PREX1: variants seen among roughly 807,000 people sequenced by gnomAD.
PREX1 encodes phosphatidylinositol 3,4,5-trisphosphate-dependent Rac exchanger 1 protein.
Under a neutral mutation model 198.3 loss-of-function variants are expected in PREX1, and 41 were observed. The observed-to-expected ratio is 0.21, with a 90% CI of 0.16 to 0.27. PREX1 has a LOEUF of 0.27. Ranked by LOEUF, PREX1 falls within the 10% of genes least tolerant of loss-of-function variation. The pLI, the probability that PREX1 is intolerant of heterozygous loss-of-function variation, is 1.00. For synonymous variants in PREX1, 843 were observed against 887.2 expected, an observed-to-expected ratio of 0.95 and a Z score of 0.89; for missense variants, 1,620 against 2,200.7, an observed-to-expected ratio of 0.74 and a Z score of 5.28.
intron 2 of PREX1, 92 bp from the exon 3 acceptor site, chr20:48,745,239 A>G (rs752263439): frequency 7.2e-7 from 1 of 1,388,384 alleles, no homozygotes; most frequent in Non-Finnish European, 9.7e-7. Flanking sequence ...GGTGCGGGTG[A>G]CATTGTAGTC....
chr20:48,751,932 G>A (rs763876695), intron 1 of PREX1, among the ~76,000 whole-genome samples: 23 of 152,068 alleles, frequency 1.5e-4, no homozygotes, highest in Non-Finnish European at 2.8e-4. Context: ...ATACTACACC[G>A]AATTTGCTTG....
intron 1 of PREX1, among the ~76,000 whole-genome samples, chr20:48,800,084 G>T (rs139252908): frequency 3.9e-5 from 6 of 152,294 alleles, no homozygotes; most frequent in Non-Finnish European, 8.8e-5. Flanking sequence ...TGGAGAATTT[G>T]AATAAAGCTA....
chr20:48,819,877 G>A (rs2090476532), intron 1 of PREX1, among the ~76,000 whole-genome samples: 3 of 152,360 alleles, frequency 2.0e-5, no homozygotes, highest in South Asian at 4.1e-4. Flanking sequence ...GTGGATGAAA[G>A]CATCAACTGC....
chr20:48,680,720 G>C (rs141147570), intron 11 of PREX1, among the ~76,000 whole-genome samples: 10 of 151,824 alleles, frequency 6.6e-5, no homozygotes, highest in Non-Finnish European at 1.2e-4. Flanking sequence ...TTACCTTCTC[G>C]GTGAGGCCTT....
chr20:48,712,590 T>C (rs2089937094), intron 5 of PREX1, among the ~76,000 whole-genome samples: 1 of 152,212 alleles, frequency 6.6e-6, no homozygotes, highest in Non-Finnish European at 1.5e-5. Context: ...GCTGCTTCCC[T>C]TTTCTATCTG....
At chr20:48,759,292 A>G (rs1042453439) in intron 1 of PREX1, among the ~76,000 whole-genome samples, 1 of 152,072 alleles carries the variant, frequency 6.6e-6, no homozygotes, top group African/African-American at 2.4e-5. Flanking sequence ...GCTCACGCCT[A>G]TAATACCAGC....
chr20:48,754,669 AG>A (rs1480760122), intron 1 of PREX1, among the ~76,000 whole-genome samples: 4 of 81,474 alleles, frequency 4.9e-5, no homozygotes, highest in African/African-American at 1.5e-4. Flanking sequence ...TGAGAGGGCC[AG>A]GGTATGGGCT....
the PREX1 span, among the ~76,000 whole-genome samples, chr20:48,833,529 C>T: frequency 2.0e-5 from 3 of 151,470 alleles, no homozygotes; most frequent in South Asian, 4.2e-4. Flanking sequence ...GCAACCTCAG[C>T]CTCCTGGGTT....
chr20:48,649,509 G>A lies in PREX1; in HGVS notation c.3096C>T (p.Cys1032=). ...GGGGATCACCCTCTGCAGCAGGCAA[G>A]CACTTCCAGGAGGGAGCAGCCATGG... ...ITTMAAPSWK[C]LPAAEGDPQG... is the part of the protein sequence containing the mutation. The change falls in exon 25 of 40, where the codon TGC becomes TGT. Residue 1032 remains cysteine, a synonymous_variant. Coordinates refer to ENST00000371941, the MANE Select transcript of PREX1 (RefSeq NM_020820.4). 6.2e-7 allele frequency: 1 copy of A among 1,613,882 alleles called. No homozygotes were observed. The highest frequency in any genetic ancestry group is 8.5e-7 in the Non-Finnish European group (1 of 1,179,890).
At chr20:48,763,534 T>C (rs974806591) in intron 1 of PREX1, among the ~76,000 whole-genome samples, 1 of 152,156 alleles carries the variant, frequency 6.6e-6, no homozygotes. Flanking sequence ...CTGAAGACAA[T>C]GACTTTCAAG....
At chr20:48,816,137 C>T (rs760048244) in intron 1 of PREX1, among the ~76,000 whole-genome samples, 1 of 152,146 alleles carries the variant, frequency 6.6e-6, no homozygotes, top group South Asian at 2.1e-4. Flanking sequence ...CCACCTGCCC[C>T]GTCTCGCTCA....
chr20:48,882,273 C>T, the PREX1 span, among the ~76,000 whole-genome samples: 403 of 151,810 alleles, frequency 2.7e-3, 5 homozygotes, highest in African/African-American at 9.5e-3. Flanking sequence ...GAGGCGGAGG[C>T]AGGCGGATCA....
the PREX1 span, among the ~76,000 whole-genome samples, chr20:48,846,296 T>C: frequency 1.4e-3 from 209 of 152,196 alleles, 1 homozygote; most frequent in African/African-American, 5.0e-3. Flanking sequence ...CAAGGGAGGA[T>C]CCCGCATATA....
intron 25 of PREX1, among the ~76,000 whole-genome samples, chr20:48,647,958 T>G (rs1033324122): frequency 2.6e-5 from 4 of 152,170 alleles, no homozygotes; most frequent in African/African-American, 7.2e-5. Context: ...CAGGCTGGAG[T>G]GCAGTGGTGC....
the PREX1 span, among the ~76,000 whole-genome samples, chr20:48,848,159 G>A: frequency 1.4e-4 from 21 of 151,940 alleles, no homozygotes; most frequent in Admixed American, 5.2e-4. Context: ...ATGAGAAATT[G>A]TCAACAGTTT....
chr20:48,649,273 C>A (rs776477777), intron 25 of PREX1, 27 bp downstream of exon 25: 2 of 1,601,174 alleles, frequency 1.2e-6, no homozygotes, highest in African/African-American at 2.7e-5. Flanking sequence ...CCCCTGCTCA[C>A]GCCGGACACC....
chr20:48,778,311 T>C (rs754040895), intron 1 of PREX1, among the ~76,000 whole-genome samples: 18 of 152,094 alleles, frequency 1.2e-4, no homozygotes, highest in South Asian at 2.1e-4. Context: ...CAGTGGCTCA[T>C]GCCTGTAATC....
rs553001037 is a variant in PREX1 at position 48,719,239 on chromosome 20, T to C, written c.621+7051A>G. Among the ~76,000 whole-genome samples, 6 of 152,168 alleles carry C rather than the reference T, an allele frequency of 3.9e-5. No individual in the cohort carries two copies. The South Asian group carries it at 1.0e-3, about 26-fold the overall frequency. On this transcript the variant is annotated intron_variant, in intron 5 of 39. Transcript: ENST00000371941. ...AGGTTGGACCCCACAAAAGGTGATC[T>C]AGGAAGGCTCCTTCGAAGATGGGGC...
the PREX1 span, among the ~76,000 whole-genome samples, chr20:48,867,430 C>G: frequency 3.9e-5 from 6 of 152,258 alleles, no homozygotes; most frequent in African/African-American, 1.4e-4. Context: ...AGAAGAGGCA[C>G]AGATCAGCTA....
Sources: allele counts gnomAD v4.1 joint callset (sites outside exome capture counted in the v4.1 genomes callset), GRCh38; gene constraint gnomAD v4.1.1; transcripts MANE v1.5; gene names NCBI Gene and HGNC (gene_info 2026-07-23, HGNC 2026-07-21).